ZNF154: variants seen among roughly 807,000 people sequenced by gnomAD.
ZNF154 encodes the protein zinc finger protein 154, also known as zinc finger protein 154 (pHZ-92).
ZNF154 carries 6 observed loss-of-function variants against 7.5 expected under a neutral mutation model. The ratio of observed to expected loss-of-function variants is 0.80; its 90% CI spans 0.44 to 1.57. ZNF154 has a LOEUF of 1.57. Among genes scored for constraint, ZNF154 ranks in the 40% most tolerant of loss-of-function variants. The probability of loss-of-function intolerance (pLI) is 0.01; values close to 1 mark genes in which losing one functional copy is unlikely to be tolerated. For synonymous variants in ZNF154, 187 were observed against 185.9 expected (o/e 1.01, Z -0.05); for missense variants, 485 against 531.4 (o/e 0.91, Z 0.86).
rs1985077674 is a variant in ZNF154, at chr19:57,700,457, C to G, written c.*1178G>C. The stretch of plus-strand genomic sequence containing the variant: ...GAAACCTCTGTAAAAGGGGCACATT[C>G]TATTTATTGCAGTGTTATTGCAGTT... On this transcript the variant is annotated 3_prime_UTR_variant, in exon 3 of 3. Coordinates refer to ENST00000684351, the MANE Select transcript of ZNF154 (RefSeq NM_001085384.3). The G allele has an allele frequency of 6.6e-6, 1 of 152,208 alleles. No individual in the cohort carries two copies. The highest frequency in any genetic ancestry group is 2.4e-5 in the African/African-American group (1 of 41,452). The allele number at this position is 152,208 out of a possible 1,614,324, so 9.4% of individuals were successfully genotyped here.
rs142884205 is a variant in ZNF154, at chr19:57,701,639, C to T, written c.1310G>A (p.Arg437Gln). The T allele has an allele frequency of 3.7e-5, 60 of 1,609,748 alleles. No homozygotes were observed. The African/African-American group carries it at 4.8e-4, about 13-fold the overall frequency. ...SLIKHQRIHSR is the reference protein window; with the variant it reads ...SLIKHQRIHSQ ...CATTTGCCACTCATAAGGCTTTTAT[C>T]GACTATGAATTCTCTGATGTTTAAT... The change falls in exon 3 of 3, where the codon CGA becomes CAA. Residue 437 changes from arginine (R) to glutamine (Q), a missense_variant. Physicochemically the swap from Arg to Gln is conservative, Grantham distance 43. Transcript: ENST00000684351.
At position 57,708,949 on chromosome 19, in the gene ZNF154, G is replaced by A. The variant is rs548832477; in HGVS notation, c.23C>T (p.Thr8Met). Reference sequence around the variant, plus strand: ...AGACGCCGCACTCACCTGAGTTGGCGTCCTCAGAGTGGCCGCTGCCATCAG... The same window carrying A: ...AGACGCCGCACTCACCTGAGTTGGCATCCTCAGAGTGGCCGCTGCCATCAG... MAAATLR[T>M]PTQGTVTFED... The change falls in exon 1 of 3, where the codon ACG becomes ATG. Residue 8 changes from threonine (T) to methionine (M), a missense_variant. Thr to Met is a moderately conservative substitution (Grantham distance 81). Coordinates refer to ENST00000684351, the MANE Select transcript of ZNF154 (RefSeq NM_001085384.3). 4.2e-5 allele frequency: 66 copies of A among 1,561,102 alleles called. No individual in the cohort carries two copies. The South Asian group carries it at 7.6e-4, about 18-fold the overall frequency.
In ZNF154 at chr19:57,707,113, CA is replaced by C. The variant is rs1282058157; in HGVS notation, c.33+1825del. On this transcript the variant is annotated intron_variant, in intron 1 of 2. Transcript: ENST00000684351. ...GGGCAACAAGAGAGACACTCCATCT[CA>C]AAAAAAAAAAAAAAAAATAGAACAA... 2.9e-3 allele frequency among the ~76,000 whole-genome samples: 270 copies of C among 94,246 alleles called. 2 individuals are homozygous for C. Among genetic ancestry groups the C allele is most frequent in the South Asian group, 7.6e-3 (22 of 2,886 alleles). 61.8% of individuals were successfully genotyped at this position (94,246 alleles called of 152,430 possible).
rs1984941849 is a variant in ZNF154 at position 57,697,444 on chromosome 19, G to T, written c.*4191C>A. 6.6e-6 allele frequency: 1 copy of T among 152,082 alleles called. No individual in the cohort carries two copies. Among genetic ancestry groups the T allele is most frequent in the Non-Finnish European group, 1.5e-5 (1 of 68,020 alleles). The allele number at this position is 152,082 out of a possible 1,614,324, so 9.4% of individuals were successfully genotyped here. On this transcript the variant is annotated 3_prime_UTR_variant, in exon 3 of 3. Coordinates refer to ENST00000684351, the MANE Select transcript of ZNF154 (RefSeq NM_001085384.3). The stretch of plus-strand genomic sequence containing the variant: ...AAAACAAAGGTAAATGGAACCTGTA[G>T]GTTACAGACTTATGAGATACAACTA...
chr19:57,703,846 A>G (rs1283323538), intron 2 of ZNF154, among the ~76,000 whole-genome samples: 1 of 152,014 alleles, frequency 6.6e-6, no homozygotes, highest in Non-Finnish European at 1.5e-5. Context: ...CCCATCTCTA[A>G]AAAAATACAA....
chr19:57,704,989 T>A lies in ZNF154; in HGVS notation c.34-10A>T, dbSNP rs1158532590. 1 of 1,602,664 alleles carries A rather than the reference T, an allele frequency of 6.2e-7. No homozygotes were observed. Among genetic ancestry groups the A allele is most frequent in the African/African-American group, 1.4e-5 (1 of 73,868 alleles). On this transcript the variant is annotated splice_polypyrimidine_tract_variant and intron_variant, in intron 1 of 2. Coordinates refer to ENST00000684351, the MANE Select transcript of ZNF154 (RefSeq NM_001085384.3). Reference sequence around the variant, plus strand: ...CAAAGGTCACAGTGCCCTGCCACAATGGGAACAGATGAAACCACCAAGAGC... The same window carrying A: ...CAAAGGTCACAGTGCCCTGCCACAAAGGGAACAGATGAAACCACCAAGAGC...
rs1012586205 is a variant in ZNF154 at position 57,697,176 on chromosome 19, G to C, written c.*4459C>G. On this transcript the variant is annotated 3_prime_UTR_variant, in exon 3 of 3. Transcript: ENST00000684351. ...TTGTCTGTGATGTGCATCACATTCT[G>C]GTTTAATGCTTAATAAAAGCGTTTT... Among the ~76,000 whole-genome samples the C allele has an allele frequency of 1.2e-4, 18 of 152,120 alleles. No homozygotes were observed. Among genetic ancestry groups the C allele is most frequent in the Admixed American group, 3.9e-4 (6 of 15,270 alleles).
chr19:57,702,567 T>C lies in ZNF154; in HGVS notation c.382A>G (p.Arg128Gly), dbSNP rs1187485339. 8 of 1,614,026 alleles carry C rather than the reference T, an allele frequency of 5.0e-6. No individual in the cohort carries two copies. In the South Asian group the frequency reaches 8.8e-5, roughly 18 times the overall value. The change falls in exon 3 of 3, where the codon AGA (arginine) becomes GGA (glycine). Residue 128 changes from arginine (R) to glycine (G), a missense_variant. Arg to Gly is a moderately radical substitution (Grantham distance 125, BLOSUM62 -2). Coordinates refer to ENST00000684351, the MANE Select transcript of ZNF154 (RefSeq NM_001085384.3). ...SKSDGGAISH[R>G]GKTHYNCGEH... ...CCACAGTTGTAATGAGTTTTTCCTC[T>C]GTGACTGATGGCCCCACCGTCGCTT...
Position 57,702,588 on chromosome 19 carries a change from C to CG in ZNF154, c.360dup (p.Asp121ArgfsTer25). 12 of 1,614,096 alleles carry CG rather than the reference C, an allele frequency of 7.4e-6. No individual in the cohort carries two copies. The highest frequency in any genetic ancestry group is 1.0e-5 in the Non-Finnish European group (12 of 1,179,994). ...CCTCTGTGACTGATGGCCCCACCGT[C>CG]GCTTTTGCTATTTGATTGCTCCCCA... On this transcript the variant is annotated frameshift_variant, in exon 3 of 3. Coordinates refer to ENST00000684351, the MANE Select transcript of ZNF154 (RefSeq NM_001085384.3). LOFTEE classifies it low-confidence loss of function (END_TRUNC).
At position 57,709,170 on chromosome 19, in the gene ZNF154, T is replaced by A; in HGVS notation, c.-199A>T. 1.5e-6 allele frequency: 1 copy of A among 659,790 alleles called. No individual in the cohort carries two copies. The highest frequency in any genetic ancestry group is 1.9e-5 in the South Asian group (1 of 52,366). The allele number at this position is 659,790 out of a possible 1,614,324, so 40.9% of individuals were successfully genotyped here. A position where few individuals can be genotyped will look rare whatever the true frequency, so the allele number is the denominator to read the frequency against. On this transcript the variant is annotated 5_prime_UTR_variant, in exon 1 of 3. Transcript: ENST00000684351. ...CGGCGCTCTGCTATCTCTGATCCGG[T>A]GAACACACCTCAGAGAAGCTAAAAT...
intron 1 of ZNF154, among the ~76,000 whole-genome samples, chr19:57,707,618 T>G (rs1407691286): frequency 6.6e-6 from 1 of 152,140 alleles, no homozygotes. Context: ...ACCTCCCTCT[T>G]GTAACCCAAA....
rs1485778532 is a variant in ZNF154 at position 57,701,044 on chromosome 19, C to CT, written c.*590dup. 6.5e-6 allele frequency: 1 copy of CT among 153,458 alleles called. No individual in the cohort carries two copies. The highest frequency in any genetic ancestry group is 1.4e-5 in the Non-Finnish European group (1 of 69,086). The allele number at this position is 153,458 out of a possible 1,614,324, so 9.5% of individuals were successfully genotyped here. ...TTGGTGATTTGAAGGCTGGCAAACT[C>CT]TATCAAGAGTCATGTGAGACCAACA... On this transcript the variant is annotated 3_prime_UTR_variant, in exon 3 of 3. Transcript: ENST00000684351.
rs761583281 is a variant in ZNF154 at position 57,701,604 on chromosome 19, A to C, written c.*31T>G. 3.8e-6 allele frequency: 6 copies of C among 1,598,124 alleles called. No individual in the cohort carries two copies. Among genetic ancestry groups the C allele is most frequent in the Non-Finnish European group, 4.3e-6 (5 of 1,170,260 alleles). On this transcript the variant is annotated 3_prime_UTR_variant, in exon 3 of 3. Coordinates refer to ENST00000684351, the MANE Select transcript of ZNF154 (RefSeq NM_001085384.3). ...CAAGGACTTTCTCCAGGGTGCTAAC[A>C]GATTTTCCACATTTGCCACTCATAA...
Position 57,696,547 on chromosome 19 carries a change from C to A in ZNF154, c.*5088G>T, listed in dbSNP as rs1236856697. Among the ~76,000 whole-genome samples, 1 of 152,102 alleles carries A rather than the reference C, an allele frequency of 6.6e-6. No individual in the cohort carries two copies. Among genetic ancestry groups the A allele is most frequent in the Non-Finnish European group, 1.5e-5 (1 of 68,020 alleles). ...GGGCAGTGGCAGAGGAGGGATTAAA[C>A]CCAGGCAGCAGAGGGAGCAGAGGGC... On this transcript the variant is annotated 3_prime_UTR_variant, in exon 3 of 3. Transcript: ENST00000684351.
rs377191017 is a variant in ZNF154 at position 57,698,347 on chromosome 19, G to C, written c.*3288C>G. The C allele has an allele frequency of 1.3e-5, 2 of 152,202 alleles. No homozygotes were observed. The highest frequency in any genetic ancestry group is 4.8e-5 in the African/African-American group (2 of 41,450). 9.4% of individuals were successfully genotyped at this position (152,202 alleles called of 1,614,324 possible). On this transcript the variant is annotated 3_prime_UTR_variant, in exon 3 of 3. Transcript: ENST00000684351. ...GAATGACACGTTCATTGTCATGATT[G>C]TGAAGAAACAACTTCTTCCTAATCA...
chr19:57,707,540 CT>C (rs1251690546), intron 1 of ZNF154, among the ~76,000 whole-genome samples: 1 of 152,182 alleles, frequency 6.6e-6, no homozygotes, highest in East Asian at 1.9e-4. Flanking sequence ...CTTCTTTCCT[CT>C]TCCCTCAACC....
At chr19:57,702,896 C>A in intron 2 of ZNF154, 108 bp from the exon 3 acceptor site, 3 of 1,096,406 alleles carry the variant, frequency 2.7e-6, no homozygotes. Context: ...CAAGACCAGG[C>A]TACACGTCTC....
chr19:57,708,410 C>CA (rs1224248331), intron 1 of ZNF154, among the ~76,000 whole-genome samples: 1 of 152,052 alleles, frequency 6.6e-6, no homozygotes, highest in East Asian at 1.9e-4. Context: ...ACTAAAAATA[C>CA]AAAAAATTAG....
At chr19:57,703,553 A>G (rs550471355) in intron 2 of ZNF154, among the ~76,000 whole-genome samples, 11 of 151,508 alleles carry the variant, frequency 7.3e-5, no homozygotes, top group Non-Finnish European at 1.6e-4. Context: ...GGCCACAACC[A>G]TGAGGTATCA....
Sources: gnomAD v4.1 joint callset for allele counts (sites outside exome capture counted in the v4.1 genomes callset) on GRCh38, gnomAD v4.1.1 for gene constraint, MANE v1.5 for transcripts, NCBI Gene and HGNC (gene_info 2026-07-23, HGNC 2026-07-21) for gene names.